Variants in HECW1 observed in about 807,000 individuals in gnomAD.
HECW1 encodes HECT, C2 and WW domain containing E3 ubiquitin protein ligase 1.
HECW1 carries 61 observed loss-of-function variants against 182.3 expected under a neutral mutation model. That is an observed-to-expected ratio of 0.33 (90% CI 0.27 to 0.41). The LOEUF is 0.41. HECW1 is among the 10% of genes least tolerant of loss of function. The probability of loss-of-function intolerance (pLI) is 1.00; values close to 1 mark genes in which losing one functional copy is unlikely to be tolerated. For synonymous variants in HECW1, 859 were observed against 832.6 expected, an observed-to-expected ratio of 1.03 and a Z score of -0.55; for missense variants, 1,739 against 2,108.9, an observed-to-expected ratio of 0.82 and a Z score of 3.44.
At chr7:43,393,684 T>TA (rs965058189) in intron 6 of HECW1, among the ~76,000 whole-genome samples, 47 of 151,846 alleles carry the variant, frequency 3.1e-4, no homozygotes, top group Non-Finnish European at 6.3e-4. Flanking sequence ...CTTCTTTTTT[T>TA]TTTTTCATCT....
chr7:43,137,007 T>C (rs1000233774), intron 2 of HECW1, among the ~76,000 whole-genome samples: 8 of 152,178 alleles, frequency 5.3e-5, no homozygotes, highest in African/African-American at 1.9e-4. Context: ...CCTTAAATCT[T>C]GTAGTTAAGC....
At position 43,122,350 on chromosome 7, in the gene HECW1, A is replaced by G. The variant is rs1280072568; in HGVS notation, c.-32+7959A>G. ...TAACTCTTTCCAGGTGATGCTCACT[A>G]GTGTTACTTTCTTACCAATATCTGA... On this transcript the variant is annotated intron_variant, in intron 2 of 29. Transcript: ENST00000395891. 1.3e-5 allele frequency among the ~76,000 whole-genome samples: 2 copies of G among 152,158 alleles called. 1 individual carries two copies. Among genetic ancestry groups the G allele is most frequent in the South Asian group, 4.1e-4 (2 of 4,828 alleles).
intron 2 of HECW1, among the ~76,000 whole-genome samples, chr7:43,224,456 CT>C (rs1388261342): frequency 6.6e-6 from 1 of 152,198 alleles, no homozygotes; most frequent in Non-Finnish European, 1.5e-5. Context: ...GGCATTTGTA[CT>C]TGTGCAGAAT....
intron 11 of HECW1, among the ~76,000 whole-genome samples, chr7:43,450,509 A>G (rs988487967): frequency 1.3e-5 from 2 of 152,120 alleles, no homozygotes; most frequent in Admixed American, 1.3e-4. Context: ...AGGCTCTGCT[A>G]ATTTTCTCTT....
At chr7:43,185,971 G>C (rs1243194537) in intron 2 of HECW1, among the ~76,000 whole-genome samples, 2 of 152,134 alleles carry the variant, frequency 1.3e-5, no homozygotes, top group Non-Finnish European at 2.9e-5. Context: ...ATGGGATATG[G>C]GTTAGGTTGT....
At chr7:43,296,342 A>G (rs771279731) in intron 3 of HECW1, among the ~76,000 whole-genome samples, 12 of 152,224 alleles carry the variant, frequency 7.9e-5, no homozygotes, top group Admixed American at 3.9e-4. Context: ...GGTTTTCCTC[A>G]AAAGTCCCGA....
intron 27 of HECW1, among the ~76,000 whole-genome samples, chr7:43,551,325 G>A (rs546749145): frequency 6.6e-6 from 1 of 152,322 alleles, no homozygotes; most frequent in East Asian, 1.9e-4. Flanking sequence ...GAGGAAGGAA[G>A]TGAGAGAAGA....
chr7:43,370,495 C>T (rs1177626940), intron 6 of HECW1, among the ~76,000 whole-genome samples: 1 of 152,186 alleles, frequency 6.6e-6, no homozygotes, highest in Non-Finnish European at 1.5e-5. Flanking sequence ...CAATCTCACT[C>T]CTTGGTATTC....
intron 5 of HECW1, among the ~76,000 whole-genome samples, chr7:43,347,816 C>T (rs1813876774): frequency 6.6e-6 from 1 of 152,136 alleles, no homozygotes; most frequent in Non-Finnish European, 1.5e-5. Flanking sequence ...TGTGGTATAT[C>T]ACATTTATTG....
chr7:43,464,794 G>T (rs1022048931), intron 14 of HECW1, among the ~76,000 whole-genome samples: 1 of 151,886 alleles, frequency 6.6e-6, no homozygotes, highest in African/African-American at 2.4e-5. Flanking sequence ...ACTAGTTTAG[G>T]TTTTTCTGTT....
At chr7:43,251,895 G>A (rs973334781) in intron 3 of HECW1, among the ~76,000 whole-genome samples, 2 of 152,190 alleles carry the variant, frequency 1.3e-5, no homozygotes, top group African/African-American at 4.8e-5. Context: ...ACAGGTAGGT[G>A]TAGAAATTCA....
At chr7:43,185,543 C>G (rs924708660) in intron 2 of HECW1, among the ~76,000 whole-genome samples, 1 of 152,134 alleles carries the variant, frequency 6.6e-6, no homozygotes, top group African/African-American at 2.4e-5. Context: ...TCGGAGGACA[C>G]CCAGCTAGTG....
At chr7:43,251,411 G>A (rs1047392991) in intron 3 of HECW1, among the ~76,000 whole-genome samples, 2 of 152,174 alleles carry the variant, frequency 1.3e-5, no homozygotes, top group African/African-American at 2.4e-5. Context: ...CCAGGTTCAA[G>A]CAATTCTCCA....
intron 8 of HECW1, among the ~76,000 whole-genome samples, chr7:43,421,438 T>C (rs2076180504): frequency 6.6e-6 from 1 of 152,168 alleles, no homozygotes; most frequent in African/African-American, 2.4e-5. Flanking sequence ...AAAGAATAAT[T>C]AATTGAATGG....
intron 3 of HECW1, chr7:43,249,105 C>T (rs141940877): frequency 2.6e-5 from 4 of 152,344 alleles, no homozygotes; most frequent in Non-Finnish European, 4.4e-5. Context: ...CCCTCTGCCC[C>T]CTAGGTGCCG....
chr7:43,446,322 C>A (rs2077054882), intron 11 of HECW1, among the ~76,000 whole-genome samples: 1 of 152,134 alleles, frequency 6.6e-6, no homozygotes, highest in Admixed American at 6.5e-5. Context: ...CTTAGTCATG[C>A]CTGTGGAATT....
chr7:43,504,249 C>T (rs1490026036), intron 21 of HECW1, among the ~76,000 whole-genome samples: 1 of 152,170 alleles, frequency 6.6e-6, no homozygotes, highest in Non-Finnish European at 1.5e-5. Flanking sequence ...TGACTTTCTC[C>T]TCCCCTGCCT....
chr7:43,223,337 G>A (rs1797145209), intron 2 of HECW1, among the ~76,000 whole-genome samples: 1 of 152,154 alleles, frequency 6.6e-6, no homozygotes, highest in Admixed American at 6.5e-5. Flanking sequence ...ATTTGTCAAG[G>A]CCAGGCGCCA....
chr7:43,428,928 A>G (rs1321371131), intron 8 of HECW1, among the ~76,000 whole-genome samples: 2 of 152,098 alleles, frequency 1.3e-5, no homozygotes, highest in East Asian at 1.9e-4. Flanking sequence ...GGATACAGAC[A>G]TAGACAGAAT....
Sources: gnomAD v4.1 joint callset for allele counts (sites outside exome capture counted in the v4.1 genomes callset) on GRCh38, gnomAD v4.1.1 for gene constraint, MANE v1.5 for transcripts, NCBI Gene and HGNC (gene_info 2026-07-23, HGNC 2026-07-21) for gene names.